The following GRID2IP variants were observed in gnomAD, a reference collection of about 807,000 sequenced individuals.
GRID2IP encodes Grid2 interacting protein.
GRID2IP carries 78 observed loss-of-function variants against 114.3 expected under a neutral mutation model. The ratio of observed to expected loss-of-function variants is 0.68; its 90% CI spans 0.57 to 0.82. The LOEUF is 0.82. GRID2IP is among the 40% of genes least tolerant of loss of function. GRID2IP has a pLI of 0.00. For synonymous variants in GRID2IP, 809 were observed against 724.0 expected, an observed-to-expected ratio of 1.12 and a Z score of -1.89; for missense variants, 1,727 against 1,678.5, an observed-to-expected ratio of 1.03 and a Z score of -0.51.
At chr7:6,504,737 CAGAG>C (rs1341162802) in intron 15 of GRID2IP, 52 bp downstream of exon 15, 2 of 1,385,272 alleles carry the variant, frequency 1.4e-6, no homozygotes, top group Non-Finnish European at 2.0e-6. Flanking sequence ...GTCTGAGGCC[CAGAG>C]AAAGGGCCGC....
intron 20 of GRID2IP, among the ~76,000 whole-genome samples, chr7:6,501,367 T>TAAAC (rs907220376): frequency 3.3e-5 from 5 of 151,640 alleles, no homozygotes; most frequent in African/African-American, 7.3e-5. Context: ...TAAATAAAAT[T>TAAAC]AAACAAACAA....
chr7:6,535,787 T>C (rs887978866), intron 2 of GRID2IP, among the ~76,000 whole-genome samples: 2 of 152,134 alleles, frequency 1.3e-5, no homozygotes, highest in Non-Finnish European at 2.9e-5. Context: ...CTACTCCCTG[T>C]TGGGTGGTTC....
rs536445585 is a variant in GRID2IP, at chr7:6,547,739, C to T, written c.429+3269G>A. Among the ~76,000 whole-genome samples the T allele has an allele frequency of 8.5e-5, 13 of 152,154 alleles. No homozygotes were observed. In the South Asian group the frequency reaches 2.5e-3, roughly 29 times the overall value. ...TGGTCTACTCAGGGTCAGAAAAGCC[C>T]ATTCAGGGGATCAGGCTAGGGTACA... is the stretch of plus-strand genomic sequence containing the variant. On this transcript the variant is annotated intron_variant, in intron 1 of 21. Coordinates refer to ENST00000457091, the MANE Select transcript of GRID2IP (RefSeq NM_001145118.2).
In GRID2IP at chr7:6,507,939, C is replaced by A. The variant is rs939079029; in HGVS notation, c.2544+46G>T. 1.5e-4 allele frequency: 228 copies of A among 1,539,792 alleles called. No homozygotes were observed. The highest frequency in any genetic ancestry group is 1.8e-4 in the Non-Finnish European group (209 of 1,143,064). On this transcript the variant is annotated intron_variant, in intron 13 of 21. Transcript: ENST00000457091. The surrounding 1 kb of genome is among the most constrained non-coding windows in gnomAD (Gnocchi z 5.3). ...TTTTCCTTCAGTGCTGCTGCCCAAGCCATCCTCCCCCAGTACAGAGCGCTG... is the reference window on the plus strand; with the variant it reads ...TTTTCCTTCAGTGCTGCTGCCCAAGACATCCTCCCCCAGTACAGAGCGCTG...
rs985527663 is a variant in GRID2IP, at chr7:6,509,519, G to C, written c.1772-206C>G. On this transcript the variant is annotated intron_variant, in intron 11 of 21. Transcript: ENST00000457091. This position sits in a 1 kb window ranked among gnomAD's most constrained non-coding sequence, Gnocchi z 4.9. The stretch of plus-strand genomic sequence containing the variant: ...GATCTGGTGAGCAGGAGCACTGCTC[G>C]GCCTCAGGACAGGCTGGACGCCAGC... 6.6e-6 allele frequency among the ~76,000 whole-genome samples: 1 copy of C among 152,268 alleles called. No individual in the cohort carries two copies. The highest frequency in any genetic ancestry group is 1.9e-4 in the East Asian group (1 of 5,168).
chr7:6,523,322 G>C lies in GRID2IP; in HGVS notation c.920-1365C>G, dbSNP rs1016530574. 6.6e-6 allele frequency among the ~76,000 whole-genome samples: 1 copy of C among 152,156 alleles called. No homozygotes were observed. Among genetic ancestry groups the C allele is most frequent in the East Asian group, 1.9e-4 (1 of 5,192 alleles). Reference sequence around the variant, plus strand: ...GACCAAAAAGGAGAGAGTGATGGTGGTGGCGAATCCAATCTGGCCTGCCTG... The same window carrying C: ...GACCAAAAAGGAGAGAGTGATGGTGCTGGCGAATCCAATCTGGCCTGCCTG... On this transcript the variant is annotated intron_variant, in intron 4 of 21. Transcript: ENST00000457091. The surrounding 1 kb of genome is among the most constrained non-coding windows in gnomAD (Gnocchi z 4.5).
At chr7:6,543,455 C>A (rs1470900862) in intron 1 of GRID2IP, among the ~76,000 whole-genome samples, 1 of 151,970 alleles carries the variant, frequency 6.6e-6, no homozygotes, top group Non-Finnish European at 1.5e-5. Context: ...AGACACCTCA[C>A]CATTCCCAGT....
Position 6,528,036 on chromosome 7 carries a change from G to T in GRID2IP, c.585-1267C>A, listed in dbSNP as rs574778612. Among the ~76,000 whole-genome samples the T allele has an allele frequency of 3.4e-4, 52 of 152,118 alleles. No individual in the cohort carries two copies. The highest frequency in any genetic ancestry group is 1.2e-3 in the African/African-American group (51 of 41,514). Reference sequence around the variant, plus strand: ...GCCTCCCAAAGTCCTGGGATTAGACGTGAGCCACTGTGCCCGGCATTTTTT... The same window carrying T: ...GCCTCCCAAAGTCCTGGGATTAGACTTGAGCCACTGTGCCCGGCATTTTTT... On this transcript the variant is annotated intron_variant, in intron 2 of 21. Transcript: ENST00000457091. The surrounding 1 kb of genome is among the most constrained non-coding windows in gnomAD (Gnocchi z 6.0).
Position 6,503,081 on chromosome 7 carries a change from C to T in GRID2IP, c.2990G>A (p.Arg997Gln). ...CTGGCGCAAGCATTCAAGGCTGCCT[C>T]GGATCTCCTCTGTCTTCTCCTGGAG... is the stretch of plus-strand genomic sequence containing the variant. ...ATLQEKTEEI[R>Q]GSLECLRQAS... The change falls in exon 17 of 22, where the codon CGA (arginine) becomes CAA (glutamine). Residue 997 changes from arginine to glutamine, a missense_variant. Transcript: ENST00000457091. 6.4e-7 allele frequency: 1 copy of T among 1,551,486 alleles called. No individual in the cohort carries two copies. The highest frequency in any genetic ancestry group is 8.7e-7 in the Non-Finnish European group (1 of 1,146,912).
In GRID2IP at chr7:6,521,993, G is replaced by T. The variant is rs771821482; in HGVS notation, c.920-36C>A. On this transcript the variant is annotated intron_variant, in intron 4 of 21. Transcript: ENST00000457091. This position sits in a 1 kb window ranked among gnomAD's most constrained non-coding sequence, Gnocchi z 4.1. ...GAAGAGAGGGTGTGCCGGTCAGCTG[G>T]GCAGGGTACCACTTTGAGAGCAGGA... The T allele has an allele frequency of 2.0e-4, 304 of 1,504,870 alleles. No individual in the cohort carries two copies. In the Middle Eastern group the frequency reaches 4.9e-3, roughly 24 times the overall value. The allele number at this position is 1,504,870 out of a possible 1,614,324, so 93.2% of individuals were successfully genotyped here. A position where few individuals can be genotyped will look rare whatever the true frequency, so the allele number is the denominator to read the frequency against.
rs1262430057 is a variant in GRID2IP, at chr7:6,509,201, G to T, written c.1884C>A (p.His628Gln). Residue 628 changes from histidine (H) to glutamine (Q), a missense_variant, in exon 12 of 22, where the codon CAC becomes CAA. Transcript: ENST00000457091. The surrounding 1 kb of genome is among the most constrained non-coding windows in gnomAD (Gnocchi z 4.9). ...GLASPSSSES[H>Q]PYASLDSSRA... Reference sequence around the variant, plus strand: ...TGCTGCTGTCCAGGCTGGCGTAGGGGTGGGACTCAGAGCTGCTGGGGGAGG... The same window carrying T: ...TGCTGCTGTCCAGGCTGGCGTAGGGTTGGGACTCAGAGCTGCTGGGGGAGG... 1.3e-6 allele frequency: 2 copies of T among 1,490,126 alleles called. No individual in the cohort carries two copies. The highest frequency in any genetic ancestry group is 1.8e-6 in the Non-Finnish European group (2 of 1,117,274). 92.3% of individuals were successfully genotyped at this position (1,490,126 alleles called of 1,614,324 possible).
At chr7:6,530,786 A>G (rs1562522098) in intron 2 of GRID2IP, among the ~76,000 whole-genome samples, 1 of 152,202 alleles carries the variant, frequency 6.6e-6, no homozygotes, top group African/African-American at 2.4e-5. Flanking sequence ...TGTAGGAAGG[A>G]AAGTGGGCTT....
chr7:6,543,117 G>A lies in GRID2IP; in HGVS notation c.430-3245C>T, dbSNP rs935000220. Reference sequence around the variant, plus strand: ...AGGTTGAAGAGGCCCACTTCCGGCCGGGTGCGGTGGCTCACGGCTGTCATC... The same window carrying A: ...AGGTTGAAGAGGCCCACTTCCGGCCAGGTGCGGTGGCTCACGGCTGTCATC... On this transcript the variant is annotated intron_variant, in intron 1 of 21. Coordinates refer to ENST00000457091, the MANE Select transcript of GRID2IP (RefSeq NM_001145118.2). 5.3e-5 allele frequency among the ~76,000 whole-genome samples: 8 copies of A among 152,268 alleles called. No individual in the cohort carries two copies. In the South Asian group the frequency reaches 1.0e-3, roughly 20 times the overall value.
In GRID2IP at chr7:6,532,014, C is replaced by G. The variant is rs1356108951; in HGVS notation, c.585-5245G>C. On this transcript the variant is annotated intron_variant, in intron 2 of 21. Coordinates refer to ENST00000457091, the MANE Select transcript of GRID2IP (RefSeq NM_001145118.2). The surrounding 1 kb of genome is among the most constrained non-coding windows in gnomAD (Gnocchi z 4.4). ...GGGCCTCCCAGAGCTGCGCCTCTTGCTCTGCCAGGAGAGAAGAGGGGAGGA... is the reference window on the plus strand; with the variant it reads ...GGGCCTCCCAGAGCTGCGCCTCTTGGTCTGCCAGGAGAGAAGAGGGGAGGA... Among the ~76,000 whole-genome samples, 1 of 152,108 alleles carries G rather than the reference C, an allele frequency of 6.6e-6. No homozygotes were observed. The highest frequency in any genetic ancestry group is 2.4e-5 in the African/African-American group (1 of 41,402).
intron 1 of GRID2IP, among the ~76,000 whole-genome samples, chr7:6,543,135 C>T (rs1184920637): frequency 1.3e-5 from 2 of 152,194 alleles, no homozygotes; most frequent in African/African-American, 4.8e-5. Context: ...TGGCTCACGG[C>T]TGTCATCCCA....
In GRID2IP at chr7:6,528,431, C is replaced by G. The variant is rs1007538216; in HGVS notation, c.585-1662G>C. Among the ~76,000 whole-genome samples, 3 of 152,198 alleles carry G rather than the reference C, an allele frequency of 2.0e-5. No individual in the cohort carries two copies. The highest frequency in any genetic ancestry group is 6.5e-5 in the Admixed American group (1 of 15,282). On this transcript the variant is annotated intron_variant, in intron 2 of 21. Coordinates refer to ENST00000457091, the MANE Select transcript of GRID2IP (RefSeq NM_001145118.2). This position sits in a 1 kb window ranked among gnomAD's most constrained non-coding sequence, Gnocchi z 6.0. The stretch of plus-strand genomic sequence containing the variant: ...GTTACACAGCTGGCCTGTGGCACAG[C>G]TGGCATCAGAGAACAGACTTCAGCG...
rs10267908 is a variant in GRID2IP, at chr7:6,532,088, A to T, written c.585-5319T>A. 0.53 allele frequency among the ~76,000 whole-genome samples: 80,488 copies of T among 151,924 alleles called. 23,441 individuals carry two copies. Among genetic ancestry groups the T allele is most frequent in the Non-Finnish European group, 0.67 (45,610 of 67,920 alleles). On this transcript the variant is annotated intron_variant, in intron 2 of 21. Coordinates refer to ENST00000457091, the MANE Select transcript of GRID2IP (RefSeq NM_001145118.2). This position sits in a 1 kb window ranked among gnomAD's most constrained non-coding sequence, Gnocchi z 4.4. ...GCCACAGGAAAGGAGGTCTGGACTC[A>T]TCCCTGGAGGCTCTGGGCCTGCCAT... is the stretch of plus-strand genomic sequence containing the variant.
rs758123588 is a variant in GRID2IP, at chr7:6,502,964, G to C, written c.3063+44C>G. On this transcript the variant is annotated intron_variant, in intron 17 of 21. Transcript: ENST00000457091. Reference sequence around the variant, plus strand: ...GGCCTCCAGGCTGGAAGCCCCAGGAGGCAGAGAAGCAGATAGGGTGCCAGG... The same window carrying C: ...GGCCTCCAGGCTGGAAGCCCCAGGACGCAGAGAAGCAGATAGGGTGCCAGG... 2.6e-6 allele frequency: 4 copies of C among 1,549,992 alleles called. No individual in the cohort carries two copies. In the African/African-American group the frequency reaches 5.5e-5, roughly 21 times the overall value.
In GRID2IP at chr7:6,551,318, G is replaced by T. The variant is rs1779977831; in HGVS notation, c.119C>A (p.Ala40Asp). The T allele has an allele frequency of 6.5e-7, 1 of 1,545,996 alleles. No individual in the cohort carries two copies. The highest frequency in any genetic ancestry group is 8.7e-7 in the Non-Finnish European group (1 of 1,146,626). The change falls in exon 1 of 22, where the codon GCC becomes GAC. Residue 40 changes from alanine to aspartate, a missense_variant. Ala to Asp is a moderately radical substitution (Grantham distance 126, BLOSUM62 -2). Coordinates refer to ENST00000457091, the MANE Select transcript of GRID2IP (RefSeq NM_001145118.2). The stretch of plus-strand genomic sequence containing the variant: ...CTGGTCTCCTGGCCGCAGTCCTCCG[G>T]CATGCGCGCTGCTCCCCTTGGCCAC... ...LEVAKGSSAH[A>D]GGLRPGDQIL...
Sources: allele counts gnomAD v4.1 joint callset (sites outside exome capture counted in the v4.1 genomes callset), GRCh38; gene constraint gnomAD v4.1.1; non-coding constraint Gnocchi (gnomAD v3.1); transcripts MANE v1.5; gene names NCBI Gene and HGNC (gene_info 2026-07-23, HGNC 2026-07-21).